The following NFRKB variants were observed in gnomAD, a reference collection of about 807,000 sequenced individuals.
NFRKB encodes nuclear factor related to kappaB binding protein, also known as nuclear factor related to kappa-B-binding protein.
NFRKB carries 62 observed loss-of-function variants against 135.7 expected under a neutral mutation model. The observed-to-expected ratio is 0.46, with a 90% CI of 0.37 to 0.56. The LOEUF is 0.56. Ranked by LOEUF, NFRKB falls within the 20% of genes least tolerant of loss-of-function variation. The probability of loss-of-function intolerance (pLI) is 0.00; values close to 1 mark genes in which losing one functional copy is unlikely to be tolerated. For synonymous variants in NFRKB, 678 were observed against 635.6 expected (o/e 1.07, Z -1.00); for missense variants, 1,545 against 1,662.0 (o/e 0.93, Z 1.22).
intron 4 of NFRKB, chr11:129,888,387 C>A: frequency 1.5e-6 from 1 of 687,158 alleles, no homozygotes; most frequent in South Asian, 1.6e-5. Context: ...AAGCTGAATT[C>A]ATATTATGTA....
At chr11:129,883,375 T>C (rs1039035831) in intron 8 of NFRKB, among the ~76,000 whole-genome samples, 169 bp from the exon 9 acceptor site, 1 of 152,228 alleles carries the variant, frequency 6.6e-6, no homozygotes, top group Non-Finnish European at 1.5e-5. Context: ...CATATCCCCA[T>C]TTAATTAACT....
intron 18 of NFRKB, 63 bp downstream of exon 18, chr11:129,875,294 T>A: frequency 7.6e-7 from 1 of 1,311,598 alleles, no homozygotes; most frequent in Non-Finnish European, 1.1e-6. Flanking sequence ...ATTTTGTATT[T>A]CCTGATAAGT....
intron 17 of NFRKB, among the ~76,000 whole-genome samples, chr11:129,875,736 A>G (rs1948736836): frequency 6.9e-6 from 1 of 144,256 alleles, no homozygotes; most frequent in South Asian, 2.2e-4. Context: ...AGCTCACTGC[A>G]ACCTCCACCT....
intron 24 of NFRKB, among the ~76,000 whole-genome samples, chr11:129,868,391 T>C (rs968980617): frequency 6.6e-6 from 1 of 152,168 alleles, no homozygotes; most frequent in African/African-American, 2.4e-5. Context: ...AAGAACCCCC[T>C]TTTCACCAGT....
rs778718392 is a variant in NFRKB at position 129,881,431 on chromosome 11, C to T, written c.1384+12G>A. 1.7e-5 allele frequency: 27 copies of T among 1,613,440 alleles called. No homozygotes were observed. The highest frequency in any genetic ancestry group is 3.3e-5 in the Admixed American group (2 of 59,978). On this transcript the variant is annotated intron_variant, in intron 13 of 26. Transcript: ENST00000682444. Reference sequence around the variant, plus strand: ...CGAAAACCTGTTGGGGTAGGTAATACGGATCACTTACCAAGCAACTTCCAC... The same window carrying T: ...CGAAAACCTGTTGGGGTAGGTAATATGGATCACTTACCAAGCAACTTCCAC...
At chr11:129,882,859 C>T (rs1162410553) in intron 9 of NFRKB, among the ~76,000 whole-genome samples, 2 of 152,106 alleles carry the variant, frequency 1.3e-5, no homozygotes, top group Non-Finnish European at 2.9e-5. Context: ...TCATAGCTCA[C>T]TACAGCCTCA....
At position 129,872,932 on chromosome 11, in the gene NFRKB, G is replaced by T. The variant is rs750328812; in HGVS notation, c.2715C>A (p.Ser905=). 1 of 1,613,812 alleles carries T rather than the reference G, an allele frequency of 6.2e-7. No homozygotes were observed. The highest frequency in any genetic ancestry group is 1.3e-5 in the African/African-American group (1 of 74,926). ...TGACATTTTGAATGACGGCAGCCGT[G>T]GAGGCACTGGGAGCAGAGGTCCCAG... ...SSPGTSAPSA[S]TAAVIQNVTG... Residue 905 remains serine, a synonymous_variant, in exon 23 of 27, where the codon TCC becomes TCA. Coordinates refer to ENST00000682444, the MANE Select transcript of NFRKB (RefSeq NM_001143835.2).
intron 4 of NFRKB, among the ~76,000 whole-genome samples, chr11:129,887,486 A>C (rs1407878706): frequency 6.6e-6 from 1 of 152,224 alleles, no homozygotes; most frequent in Non-Finnish European, 1.5e-5. Context: ...CATTTCCTAT[A>C]TCATATTCCT....
chr11:129,888,834 T>C (rs1229933932), intron 3 of NFRKB, 39 bp from the exon 4 acceptor site: 5 of 1,524,890 alleles, frequency 3.3e-6, no homozygotes, highest in Non-Finnish European at 3.6e-6. Flanking sequence ...GTAAAATAAA[T>C]TTTTGAGTTT....
chr11:129,885,956 A>G (rs374660844), intron 5 of NFRKB, among the ~76,000 whole-genome samples: 1 of 152,200 alleles, frequency 6.6e-6, no homozygotes, highest in East Asian at 1.9e-4. Flanking sequence ...TGGGCCTGTT[A>G]TGCTACCATC....
rs1948814485 is a variant in NFRKB at position 129,877,328 on chromosome 11, C to T, written c.1569G>A (p.Glu523=). Residue 523 remains glutamate (E), a synonymous_variant, in exon 16 of 27, where the codon GAG becomes GAA. Coordinates refer to ENST00000682444, the MANE Select transcript of NFRKB (RefSeq NM_001143835.2). ...STGEEKRVFQ[E]QERYRYSQPH... ...ACACTGGCTTTTAGGTTCTTACCTG[C>T]TCCTGAAAAACCCGTTTCTCCTCCC... 9 of 1,614,132 alleles carry T rather than the reference C, an allele frequency of 5.6e-6. No homozygotes were observed. The highest frequency in any genetic ancestry group is 1.1e-5 in the South Asian group (1 of 91,086).
intron 17 of NFRKB, among the ~76,000 whole-genome samples, chr11:129,875,846 AG>A (rs1275978766): frequency 6.6e-6 from 1 of 151,820 alleles, no homozygotes; most frequent in Non-Finnish European, 1.5e-5. Context: ...TAGTAGAGAC[AG>A]GGTTTCATCA....
At position 129,874,782 on chromosome 11, in the gene NFRKB, G is replaced by A; in HGVS notation, c.1978+11C>T. ...CAGTCTGGTCGGACAGTGCCCAGAG[G>A]CCTCACACACCAAACTCTTCTTCAC... is the stretch of plus-strand genomic sequence containing the variant. On this transcript the variant is annotated intron_variant, in intron 19 of 26. Coordinates refer to ENST00000682444, the MANE Select transcript of NFRKB (RefSeq NM_001143835.2). This position sits in a 1 kb window ranked among gnomAD's most constrained non-coding sequence, Gnocchi z 4.5. 1.2e-6 allele frequency: 2 copies of A among 1,614,174 alleles called. No individual in the cohort carries two copies. The highest frequency in any genetic ancestry group is 1.1e-5 in the South Asian group (1 of 91,080).
At chr11:129,882,337 T>C (rs1003483413) in intron 10 of NFRKB, 114 bp downstream of exon 10, 7 of 1,379,018 alleles carry the variant, frequency 5.1e-6, no homozygotes, top group Non-Finnish European at 6.0e-6. Flanking sequence ...TCCCTGGGAC[T>C]TCAGGTCTAC....
chr11:129,867,932 C>A (rs1205438330), intron 24 of NFRKB, among the ~76,000 whole-genome samples: 2 of 152,036 alleles, frequency 1.3e-5, no homozygotes, highest in Non-Finnish European at 2.9e-5. Flanking sequence ...ATTATTTTGG[C>A]AAATTTGAAA....
intron 1 of NFRKB, among the ~76,000 whole-genome samples, chr11:129,895,177 A>G (rs1041832461): frequency 2.0e-5 from 3 of 152,158 alleles, no homozygotes; most frequent in African/African-American, 7.2e-5. Context: ...TCCCCAACGC[A>G]GAAGCTAAAC....
chr11:129,891,445 G>T (rs1446625039), intron 3 of NFRKB, among the ~76,000 whole-genome samples: 2 of 152,178 alleles, frequency 1.3e-5, no homozygotes, highest in African/African-American at 4.8e-5. Flanking sequence ...ATAATGATCA[G>T]CTCATTCAGA....
At chr11:129,882,342 G>T in intron 10 of NFRKB, 109 bp downstream of exon 10, 3 of 1,392,158 alleles carry the variant, frequency 2.2e-6, no homozygotes, top group Non-Finnish European at 2.0e-6. Flanking sequence ...GGGACTTCAG[G>T]TCTACAAGTC....
At position 129,879,280 on chromosome 11, in the gene NFRKB, T is replaced by C. The variant is rs549341092; in HGVS notation, c.1385-737A>G. Among the ~76,000 whole-genome samples, 16 of 152,318 alleles carry C rather than the reference T, an allele frequency of 1.1e-4. No homozygotes were observed. The South Asian group carries it at 2.7e-3, about 26-fold the overall frequency. ...ACTATTTGCAGAAACCTCCCAACAA[T>C]GGCAGAGTAGCTTCAACTAAAGCAT... On this transcript the variant is annotated intron_variant, in intron 13 of 26. Transcript: ENST00000682444.
Sources: allele counts gnomAD v4.1 joint callset (sites outside exome capture counted in the v4.1 genomes callset), GRCh38; gene constraint gnomAD v4.1.1; non-coding constraint Gnocchi (gnomAD v3.1); transcripts MANE v1.5; gene names NCBI Gene and HGNC (gene_info 2026-07-23, HGNC 2026-07-21).